LIFR: variants seen among roughly 807,000 people sequenced by gnomAD.
LIFR encodes the protein leukemia inhibitory factor receptor.
Under a neutral mutation model 122.2 loss-of-function variants are expected in LIFR, and 84 were observed. The observed-to-expected ratio is 0.69, with a 90% CI of 0.58 to 0.82. The LOEUF (loss-of-function observed/expected upper bound fraction) is 0.82. Among genes scored for constraint, LIFR ranks in the 40% least tolerant of loss-of-function variants. LIFR has a pLI of 0.00. For missense variants in LIFR, 1,294 were observed against 1,311.6 expected (o/e 0.99, Z 0.21); for synonymous variants, 422 against 434.7 (o/e 0.97, Z 0.36).
rs951413415 is a variant in LIFR at position 38,476,746 on chromosome 5, T to A, written c.*4849A>T. On this transcript the variant is annotated 3_prime_UTR_variant, in exon 20 of 20. Transcript: ENST00000453190. Reference sequence around the variant, plus strand: ...TCTTTTATAAGAGCTTTTGATGTACTGTTTCTACGGTTCTTTAGGCACTTA... The same window carrying A: ...TCTTTTATAAGAGCTTTTGATGTACAGTTTCTACGGTTCTTTAGGCACTTA... The A allele has an allele frequency of 4.7e-6, 1 of 210,978 alleles. No homozygotes were observed. The allele number at this position is 210,978 out of a possible 1,614,324, so 13.1% of individuals were successfully genotyped here.
rs929452689 is a variant in LIFR at position 38,539,931 on chromosome 5, C to T, written c.-19-9265G>A. Among the ~76,000 whole-genome samples, 11 of 152,140 alleles carry T rather than the reference C, an allele frequency of 7.2e-5. No homozygotes were observed. The East Asian group carries it at 1.2e-3, about 16-fold the overall frequency. ...AATTTTCATATCAATCCTATAAGGT[C>T]GGTATTATTCATATTATTTCCCTCT... On this transcript the variant is annotated intron_variant, in intron 1 of 19. Coordinates refer to ENST00000453190, the MANE Select transcript of LIFR (RefSeq NM_001127671.2).
intron 10 of LIFR, 86 bp downstream of exon 10, chr5:38,503,890 A>C: frequency 1.1e-6 from 1 of 917,674 alleles, no homozygotes; most frequent in Non-Finnish European, 1.8e-6. Context: ...ATAATCTGAG[A>C]GCTTAAGCAT....
At chr5:38,564,735 T>TACACACACACACACACACAC (rs3047301) in intron 1 of LIFR, among the ~76,000 whole-genome samples, 2 of 137,500 alleles carry the variant, frequency 1.5e-5, no homozygotes, top group Admixed American at 7.3e-5. Context: ...ACACACACAC[T>TACACACACACACACACACAC]ACACACACAC....
At chr5:38,524,220 T>C (rs1746553675) in intron 4 of LIFR, among the ~76,000 whole-genome samples, 1 of 152,318 alleles carries the variant, frequency 6.6e-6, no homozygotes, top group Middle Eastern at 3.4e-3. Flanking sequence ...TGTCACCCAC[T>C]TGAGAAATGC....
At chr5:38,484,891 A>T in intron 17 of LIFR, 23 bp from the exon 18 acceptor site, 1 of 1,516,022 alleles carries the variant, frequency 6.6e-7, no homozygotes, top group Non-Finnish European at 9.2e-7. Flanking sequence ...TATTGCAAAT[A>T]TTAAAATCGC....
At chr5:38,580,955 TG>T (rs1456555107) in intron 1 of LIFR, among the ~76,000 whole-genome samples, 1 of 152,154 alleles carries the variant, frequency 6.6e-6, no homozygotes, top group African/African-American at 2.4e-5. Flanking sequence ...CCAGACTGCT[TG>T]GGATGGAACT....
At chr5:38,541,049 ATTATT>A (rs1350637222) in intron 1 of LIFR, among the ~76,000 whole-genome samples, 1 of 152,124 alleles carries the variant, frequency 6.6e-6, no homozygotes, top group Non-Finnish European at 1.5e-5. Context: ...TCTTTATGAC[ATTATT>A]TAACCCCAGA....
chr5:38,551,431 T>C (rs145050814), intron 1 of LIFR, among the ~76,000 whole-genome samples: 1,727 of 152,324 alleles, frequency 0.011, 17 homozygotes, highest in Middle Eastern at 0.075. Context: ...CACTGCCCCA[T>C]TAGCATTTCT....
At chr5:38,580,731 A>G (rs144383873) in intron 1 of LIFR, among the ~76,000 whole-genome samples, 2 of 152,050 alleles carry the variant, frequency 1.3e-5, no homozygotes, top group Non-Finnish European at 2.9e-5. Context: ...GTTCCAATTC[A>G]TTGCTTCAGC....
intron 14 of LIFR, 73 bp from the exon 15 acceptor site, chr5:38,490,364 C>G: frequency 1.6e-6 from 1 of 625,386 alleles, no homozygotes; most frequent in Non-Finnish European, 2.8e-6. Flanking sequence ...ACATCAAGTT[C>G]ATAACATACT....
chr5:38,570,973 G>C (rs1359218631), intron 1 of LIFR, among the ~76,000 whole-genome samples: 2 of 152,198 alleles, frequency 1.3e-5, no homozygotes, highest in East Asian at 3.9e-4. Context: ...AGCCATTTGT[G>C]AGCCTCTTTT....
chr5:38,588,145 C>A (rs55815720), intron 1 of LIFR, among the ~76,000 whole-genome samples: 53,543 of 152,078 alleles, frequency 0.35, 10,570 homozygotes, highest in Middle Eastern at 0.48. Context: ...CAATATAATG[C>A]CAACATTAAC....
At chr5:38,539,496 G>A (rs1320865860) in intron 1 of LIFR, among the ~76,000 whole-genome samples, 1 of 152,132 alleles carries the variant, frequency 6.6e-6, no homozygotes, top group Non-Finnish European at 1.5e-5. Flanking sequence ...GGTGACTGAA[G>A]CAAATCCATT....
chr5:38,589,004 T>C (rs1489552702), intron 1 of LIFR, among the ~76,000 whole-genome samples: 3 of 150,538 alleles, frequency 2.0e-5, no homozygotes, highest in Non-Finnish European at 4.4e-5. Flanking sequence ...TATTTCTTTT[T>C]TTTTTTTTTT....
intron 5 of LIFR, among the ~76,000 whole-genome samples, chr5:38,515,631 C>T (rs1197467509): frequency 1.5e-5 from 2 of 131,504 alleles, no homozygotes; most frequent in Non-Finnish European, 3.2e-5. Flanking sequence ...AGAAATGAGG[C>T]GGTGGGGGGA....
At chr5:38,539,703 T>A (rs1318023667) in intron 1 of LIFR, among the ~76,000 whole-genome samples, 1 of 152,020 alleles carries the variant, frequency 6.6e-6, no homozygotes, top group Admixed American at 6.6e-5. Context: ...AGAGTAAAAC[T>A]ATCCCTAAAG....
In LIFR at chr5:38,504,085, T is replaced by C; in HGVS notation, c.1328A>G (p.Asp443Gly). The change falls in exon 10 of 20, where the codon GAT becomes GGT. Residue 443 changes from aspartate (D) to glycine (G), a missense_variant. By Grantham distance (94) the Asp-to-Gly change is moderately conservative (BLOSUM62 -1). Transcript: ENST00000453190. ...AAGTTTAACAGCTGTTGAATTAATATCCTTCACTTTGAATGAAGTAGGAGT... is the reference window on the plus strand; with the variant it reads ...AAGTTTAACAGCTGTTGAATTAATACCCTTCACTTTGAATGAAGTAGGAGT... ...PHTPTSFKVKDINSTAVKLSW... is the reference protein window; with the variant it reads ...PHTPTSFKVKGINSTAVKLSW... 6.3e-7 allele frequency: 1 copy of C among 1,584,376 alleles called. No individual in the cohort carries two copies. Among genetic ancestry groups the C allele is most frequent in the East Asian group, 2.2e-5 (1 of 44,624 alleles).
intron 1 of LIFR, among the ~76,000 whole-genome samples, chr5:38,589,096 C>A (rs1323901772): frequency 6.6e-6 from 1 of 150,426 alleles, no homozygotes; most frequent in African/African-American, 2.4e-5. Flanking sequence ...CTCCTGGGTT[C>A]ATGCCATTCT....
At chr5:38,511,635 A>T (rs895990598) in intron 6 of LIFR, among the ~76,000 whole-genome samples, 155 bp downstream of exon 6, 3 of 152,132 alleles carry the variant, frequency 2.0e-5, no homozygotes, top group Admixed American at 1.3e-4. Context: ...AGACTTTTTG[A>T]TCAAAATCTC....
Sources: allele counts gnomAD v4.1 joint callset (sites outside exome capture counted in the v4.1 genomes callset), GRCh38; gene constraint gnomAD v4.1.1; transcripts MANE v1.5; gene names NCBI Gene and HGNC (gene_info 2026-07-23, HGNC 2026-07-21).